ANKRD36C: variants seen among roughly 807,000 people sequenced by gnomAD.
The protein encoded by ANKRD36C is ankyrin repeat domain 36C.
ANKRD36C carries 61 observed loss-of-function variants against 276.4 expected under a neutral mutation model. The ratio of observed to expected loss-of-function variants is 0.22; its 90% CI spans 0.18 to 0.27. ANKRD36C has a LOEUF of 0.27. ANKRD36C is among the 10% of genes least tolerant of loss of function. The pLI, the probability that ANKRD36C is intolerant of heterozygous loss-of-function variation, is 1.00. For synonymous variants in ANKRD36C, 483 were observed against 680.1 expected, an observed-to-expected ratio of 0.71 and a Z score of 4.51; for missense variants, 1,447 against 2,032.3, an observed-to-expected ratio of 0.71 and a Z score of 5.54.
chr2:95,874,507 AC>A (rs1187189329), intron 59 of ANKRD36C, among the ~76,000 whole-genome samples: 5 of 152,256 alleles, frequency 3.3e-5, no homozygotes, highest in African/African-American at 1.2e-4. Flanking sequence ...TCCCTTCCTT[AC>A]ACCTTATACA....
intron 4 of ANKRD36C, 115 bp from the exon 5 acceptor site, chr2:95,980,900 C>T (rs1231070025): frequency 1.4e-5 from 20 of 1,392,968 alleles, no homozygotes; most frequent in African/African-American, 2.9e-5. Context: ...ATTACATGTA[C>T]TAAGAAACAA....
chr2:95,967,827 C>T (rs982014253), intron 6 of ANKRD36C, among the ~76,000 whole-genome samples: 1 of 152,050 alleles, frequency 6.6e-6, no homozygotes, highest in African/African-American at 2.4e-5. Flanking sequence ...GTGGCTCATG[C>T]CTGTGATCTC....
chr2:95,968,611 A>G (rs1318648081), intron 6 of ANKRD36C, among the ~76,000 whole-genome samples: 2 of 152,182 alleles, frequency 1.3e-5, no homozygotes, highest in Non-Finnish European at 2.9e-5. Flanking sequence ...TCTGTGACCA[A>G]ATATGTATTT....
intron 3 of ANKRD36C, 116 bp from the exon 4 acceptor site, chr2:95,982,478 G>A (rs1678942820): frequency 1.1e-6 from 1 of 893,568 alleles, no homozygotes; most frequent in Non-Finnish European, 1.7e-6. Context: ...GTCGTAAGAG[G>A]TAGTCCCTTT....
intron 17 of ANKRD36C, among the ~76,000 whole-genome samples, 189 bp downstream of exon 17, chr2:95,948,341 T>C (rs12105535): frequency 6.6e-6 from 1 of 152,204 alleles, no homozygotes; most frequent in African/African-American, 2.4e-5. Context: ...TTATCAACTA[T>C]TTCTTATTTG....
intron 1 of ANKRD36C, among the ~76,000 whole-genome samples, chr2:95,987,453 C>T (rs1045883411): frequency 1.3e-5 from 2 of 151,820 alleles, no homozygotes; most frequent in Non-Finnish European, 2.9e-5. Context: ...TTCTTTGCTT[C>T]AATTTCCTTA....
At chr2:95,918,212 G>T (rs1487101087) in intron 34 of ANKRD36C, among the ~76,000 whole-genome samples, 170 bp from the exon 37 acceptor site, 1 of 151,652 alleles carries the variant, frequency 6.6e-6, no homozygotes, top group Non-Finnish European at 1.5e-5. Flanking sequence ...ACACTGGTAA[G>T]AGGGAATACA....
At chr2:95,886,739 A>G (rs1676212222) in intron 50 of ANKRD36C, among the ~76,000 whole-genome samples, 1 of 151,804 alleles carries the variant, frequency 6.6e-6, no homozygotes, top group Non-Finnish European at 1.5e-5. Flanking sequence ...TACACTTCAC[A>G]TCTCTTAAGT....
chr2:95,952,073 G>A (rs1480386797), intron 14 of ANKRD36C, among the ~76,000 whole-genome samples: 5 of 150,862 alleles, frequency 3.3e-5, no homozygotes, highest in Non-Finnish European at 7.5e-5. Context: ...AGAAACAGAA[G>A]TGAAATGAAA....
chr2:95,957,599 G>A (rs1457513489), intron 12 of ANKRD36C, among the ~76,000 whole-genome samples: 1 of 152,262 alleles, frequency 6.6e-6, no homozygotes, highest in African/African-American at 2.4e-5. Context: ...TAATAAAAAT[G>A]TATAAAAAAT....
chr2:95,991,629 G>A (rs1221302820), exon 1 of ANKRD36C: 4 of 1,614,062 alleles, frequency 2.5e-6, no homozygotes, highest in Non-Finnish European at 3.4e-6. Context: ...CGGTTTAATG[G>A]GGTATTGGGG....
chr2:95,860,422 T>C (rs1573723002), intron 60 of ANKRD36C, among the ~76,000 whole-genome samples: 1 of 151,340 alleles, frequency 6.6e-6, no homozygotes. Flanking sequence ...CACTGAGAAA[T>C]GAAGGATGAA....
intron 16 of ANKRD36C, among the ~76,000 whole-genome samples, chr2:95,949,123 C>T (rs1216654191): frequency 1.3e-5 from 2 of 152,138 alleles, no homozygotes; most frequent in African/African-American, 2.4e-5. Flanking sequence ...AGAGGGCCCA[C>T]TGATTCTCTT....
rs571777751 is a variant in ANKRD36C, at chr2:95,902,817, T to C, written c.2654-3481A>G. The stretch of plus-strand genomic sequence containing the variant: ...GCAGCTTCAACGAGCCCCCCGCTGA[T>C]TTATTCACGGAAGAGAATTTCTTAT... On this transcript the variant is annotated intron_variant, in intron 42 of 66. Transcript: ENST00000456556. The C allele has an allele frequency of 4.0e-4, 598 of 1,478,414 alleles. 7 individuals carry two copies. The highest frequency in any genetic ancestry group is 8.8e-4 in the Admixed American group (41 of 46,572). The allele number at this position is 1,478,414 out of a possible 1,614,324, so 91.6% of individuals were successfully genotyped here.
At chr2:95,977,883 A>G (rs201146377) in intron 6 of ANKRD36C, among the ~76,000 whole-genome samples, 94 of 137,640 alleles carry the variant, frequency 6.8e-4, no homozygotes, top group Admixed American at 8.0e-4. Context: ...ACACAAAAAG[A>G]TCATCTAGAA....
chr2:95,917,601 G>A (rs1342177739), intron 36 of ANKRD36C, among the ~76,000 whole-genome samples: 1 of 151,378 alleles, frequency 6.6e-6, no homozygotes, highest in Non-Finnish European at 1.5e-5. Context: ...CTTATGTCTT[G>A]AACCTCTCTC....
At position 95,919,610 on chromosome 2, in the gene ANKRD36C, C is replaced by G; in HGVS notation, c.2246-1568G>C. On this transcript the variant is annotated intron_variant, in intron 34 of 66. Coordinates refer to ENST00000456556, the Ensembl canonical transcript of ANKRD36C. The stretch of plus-strand genomic sequence containing the variant: ...TTATTACAAATGAAAAATCTCAGGC[C>G]TGCTGAATCAGAATGTGCAGCTTCG... 2.0e-5 allele frequency: 10 copies of G among 501,844 alleles called. 2 individuals are homozygous for G. The highest frequency in any genetic ancestry group is 2.0e-5 in the Non-Finnish European group (8 of 394,930). The allele number at this position is 501,844 out of a possible 1,614,324, so 31.1% of individuals were successfully genotyped here.
At chr2:95,863,551 CA>C (rs1326652115) in intron 60 of ANKRD36C, among the ~76,000 whole-genome samples, 2 of 152,054 alleles carry the variant, frequency 1.3e-5, no homozygotes, top group Non-Finnish European at 2.9e-5. Context: ...CCCTCATGAG[CA>C]CGAATGTAAA....
At chr2:95,943,384 C>A (rs1172032325) in intron 19 of ANKRD36C, among the ~76,000 whole-genome samples, 1 of 148,648 alleles carries the variant, frequency 6.7e-6, no homozygotes, top group Non-Finnish European at 1.5e-5. Flanking sequence ...ACTCGCGAGG[C>A]TGAGGCAGGA....
Sources: gnomAD v4.1 joint callset for allele counts (sites outside exome capture counted in the v4.1 genomes callset) on GRCh38, gnomAD v4.1.1 for gene constraint, MANE v1.5 for transcripts, NCBI Gene and HGNC (gene_info 2026-07-23, HGNC 2026-07-21) for gene names.